The following PCDHGB7 variants were observed in gnomAD, a reference collection of about 807,000 sequenced individuals.
PCDHGB7 encodes the protein protocadherin gamma-B7.
Under a neutral mutation model 61.4 loss-of-function variants are expected in PCDHGB7, and 37 were observed. The ratio of observed to expected loss-of-function variants is 0.60; its 90% confidence interval spans 0.46 to 0.79. The LOEUF is 0.79. PCDHGB7 is among the 30% of genes least tolerant of loss of function. The pLI is 0.00. For missense variants in PCDHGB7, 1,166 were observed against 1,202.5 expected (o/e 0.97, Z 0.45); for synonymous variants, 464 against 503.5 (o/e 0.92, Z 1.05).
At chr5:141,474,130 C>T (rs28684928) in intron 1 of PCDHGB7, among the ~76,000 whole-genome samples, 6 of 152,160 alleles carry the variant, frequency 3.9e-5, no homozygotes. Context: ...TCTCAGAAAA[C>T]TACAGGCCTT....
chr5:141,476,783 G>C lies in PCDHGB7; in HGVS notation c.2416-18024G>C. ...GACGGCGTTGGACGGAGGGACCCCAGCTCTCTCCGCCAGCCTGCCTATTCA... is the reference window on the plus strand; with the variant it reads ...GACGGCGTTGGACGGAGGGACCCCACCTCTCTCCGCCAGCCTGCCTATTCA... On this transcript the variant is annotated intron_variant, in intron 1 of 3. Coordinates refer to ENST00000398594, the MANE Select transcript of PCDHGB7 (RefSeq NM_018927.4). This position sits in a 1 kb window ranked among gnomAD's most constrained non-coding sequence, Gnocchi z 7.6. The C allele has an allele frequency of 6.2e-7, 1 of 1,613,510 alleles. No homozygotes were observed. The highest frequency in any genetic ancestry group is 8.5e-7 in the Non-Finnish European group (1 of 1,180,030).
At chr5:141,433,641 G>C (rs1177387884) in intron 1 of PCDHGB7, among the ~76,000 whole-genome samples, 1 of 152,104 alleles carries the variant, frequency 6.6e-6, no homozygotes, top group Admixed American at 6.5e-5. Flanking sequence ...TTTGAGACCA[G>C]CCTGACCAAC....
chr5:141,427,915 T>C lies in PCDHGB7; in HGVS notation c.2415+7641T>C, dbSNP rs779333176. ...GGCTCGCCCGCGCTCAGCGCCAACATGAGCCGGCGCATGTTGGTGGGCGAC... is the reference window on the plus strand; with the variant it reads ...GGCTCGCCCGCGCTCAGCGCCAACACGAGCCGGCGCATGTTGGTGGGCGAC... On this transcript the variant is annotated intron_variant, in intron 1 of 3. Transcript: ENST00000398594. The C allele has an allele frequency of 7.0e-6, 11 of 1,578,094 alleles. No individual in the cohort carries two copies. In the Admixed American group the frequency reaches 8.4e-5, roughly 12 times the overall value.
intron 1 of PCDHGB7, among the ~76,000 whole-genome samples, chr5:141,463,117 A>G (rs2099053039): frequency 6.6e-6 from 1 of 152,196 alleles, no homozygotes; most frequent in African/African-American, 2.4e-5. Context: ...TTCAGCTAAT[A>G]GCTCCCTGGC....
chr5:141,423,061 G>T, intron 1 of PCDHGB7: 2 of 1,614,160 alleles, frequency 1.2e-6, no homozygotes, highest in Non-Finnish European at 1.7e-6. Context: ...CCTGCTTAAG[G>T]CCAGCGAGCC....
chr5:141,475,098 C>G (rs1252108172), intron 1 of PCDHGB7, among the ~76,000 whole-genome samples: 1 of 152,108 alleles, frequency 6.6e-6, no homozygotes, highest in East Asian at 1.9e-4. Flanking sequence ...TTATAAAGAT[C>G]CTAGGTGGTA....
chr5:141,486,282 C>T lies in PCDHGB7; in HGVS notation c.2416-8525C>T. ...AGTGCAGAACCTGGCACTGTGGTGGCACTTATCAGTGTGCAGGATCCAGAC... is the reference window on the plus strand; with the variant it reads ...AGTGCAGAACCTGGCACTGTGGTGGTACTTATCAGTGTGCAGGATCCAGAC... On this transcript the variant is annotated intron_variant, in intron 1 of 3. Transcript: ENST00000398594. This position sits in a 1 kb window ranked among gnomAD's most constrained non-coding sequence, Gnocchi z 5.0. 6.2e-7 allele frequency: 1 copy of T among 1,614,052 alleles called. No homozygotes were observed. Among genetic ancestry groups the T allele is most frequent in the Non-Finnish European group, 8.5e-7 (1 of 1,179,992 alleles).
chr5:141,504,287 T>C (rs1191226511), intron 2 of PCDHGB7, among the ~76,000 whole-genome samples: 2 of 152,166 alleles, frequency 1.3e-5, no homozygotes, highest in Non-Finnish European at 2.9e-5. Flanking sequence ...AATCATTTCA[T>C]GTTTTTTCAA....
chr5:141,419,119 C>T lies in PCDHGB7; in HGVS notation c.1260C>T (p.Val420=). 2.5e-6 allele frequency: 4 copies of T among 1,613,896 alleles called. No individual in the cohort carries two copies. The South Asian group carries it at 3.3e-5, about 13-fold the overall frequency. Reference sequence around the variant, plus strand: ...GGGAGCAGACCCCAGAGTACAACGTCACCATCGCAGCCACAGACAGGGGCA... The same window carrying T: ...GGGAGCAGACCCCAGAGTACAACGTTACCATCGCAGCCACAGACAGGGGCA... ...LDREQTPEYN[V]TIAATDRGKP... The change falls in exon 1 of 4, where the codon GTC becomes GTT. Residue 420 remains valine, a synonymous_variant. Coordinates refer to ENST00000398594, the MANE Select transcript of PCDHGB7 (RefSeq NM_018927.4).
In PCDHGB7 at chr5:141,472,980, C is replaced by CAAAA. The variant is rs60579131; in HGVS notation, c.2416-21813_2416-21810dup. ...CAGCCTGGGGAACAAGAGTGAAACT[C>CAAAA]AAAAAAAAAAAAAAAAAGAAAGAAA... On this transcript the variant is annotated intron_variant, in intron 1 of 3. Transcript: ENST00000398594. 5.5e-3 allele frequency among the ~76,000 whole-genome samples: 472 copies of CAAAA among 85,978 alleles called. 4 individuals carry two copies. The highest frequency in any genetic ancestry group is 0.013 in the Admixed American group (104 of 8,158). The allele number at this position is 85,978 out of a possible 152,430, so 56.4% of individuals were successfully genotyped here. A position where few individuals can be genotyped will look rare whatever the true frequency, so the allele number is the denominator to read the frequency against.
rs916259620 is a variant in PCDHGB7 at position 141,419,905 on chromosome 5, T to G, written c.2046T>G (p.Ser682=). 23 of 1,613,978 alleles carry G rather than the reference T, an allele frequency of 1.4e-5. No individual in the cohort carries two copies. The highest frequency in any genetic ancestry group is 1.9e-5 in the Non-Finnish European group (23 of 1,179,904). Residue 682 remains serine, a synonymous_variant, in exon 1 of 4, where the codon TCT becomes TCG. Transcript: ENST00000398594. The part of the protein sequence containing the change: ...LPDFSDHPTP[S]DSQAEMQFYL... ...ATTTCAGCGACCATCCCACACCCTC[T>G]GACTCCCAGGCTGAGATGCAGTTTT...
At chr5:141,427,386 A>G (rs2097020887) in intron 1 of PCDHGB7, 1 of 459,098 alleles carries the variant, frequency 2.2e-6, no homozygotes, top group Non-Finnish European at 4.4e-6. Context: ...CACTCTGTTC[A>G]AAACACATGA....
Position 141,431,732 on chromosome 5 carries a change from G to C in PCDHGB7, c.2415+11458G>C. 1 of 1,614,238 alleles carries C rather than the reference G, an allele frequency of 6.2e-7. No individual in the cohort carries two copies. Among genetic ancestry groups the C allele is most frequent in the Non-Finnish European group, 8.5e-7 (1 of 1,180,046 alleles). On this transcript the variant is annotated intron_variant, in intron 1 of 3. Coordinates refer to ENST00000398594, the MANE Select transcript of PCDHGB7 (RefSeq NM_018927.4). The surrounding 1 kb of genome is among the most constrained non-coding windows in gnomAD (Gnocchi z 4.8). ...GATGGAAGTGCAAGCAATGGATAAT[G>C]CAGGATATTCTGCGCGAGCCAAAGT...
Position 141,456,470 on chromosome 5 carries a change from A to G in PCDHGB7, c.2415+36196A>G, listed in dbSNP as rs573210902. Among the ~76,000 whole-genome samples, 4 of 152,272 alleles carry G rather than the reference A, an allele frequency of 2.6e-5. No homozygotes were observed. In the East Asian group the frequency reaches 7.7e-4, roughly 29 times the overall value. On this transcript the variant is annotated intron_variant, in intron 1 of 3. Coordinates refer to ENST00000398594, the MANE Select transcript of PCDHGB7 (RefSeq NM_018927.4). ...GTCCAAATATCAATACAAGACATAT[A>G]AGCAAGAGAGTGCTTAATAAAGGGG...
At chr5:141,484,589 C>T (rs2154580160) in intron 1 of PCDHGB7, among the ~76,000 whole-genome samples, 1 of 152,074 alleles carries the variant, frequency 6.6e-6, no homozygotes, top group African/African-American at 2.4e-5. Context: ...GGAAGCTACT[C>T]ATTTAGAATA....
intron 1 of PCDHGB7, chr5:141,427,590 C>A: frequency 1.5e-6 from 1 of 679,008 alleles, no homozygotes; most frequent in Non-Finnish European, 2.7e-6. Flanking sequence ...CAGCACAAGC[C>A]TCACCCTACG....
chr5:141,488,480 C>A (rs935896624), intron 1 of PCDHGB7, among the ~76,000 whole-genome samples: 6 of 152,298 alleles, frequency 3.9e-5, no homozygotes, highest in African/African-American at 1.4e-4. Flanking sequence ...GTTCCCCTAC[C>A]CAAAAACTGT....
chr5:141,465,546 T>C (rs572856697), intron 1 of PCDHGB7, among the ~76,000 whole-genome samples: 1 of 152,338 alleles, frequency 6.6e-6, no homozygotes, highest in South Asian at 2.1e-4. Context: ...GCATTTTTTC[T>C]GCTGAAGCTT....
At position 141,422,164 on chromosome 5, in the gene PCDHGB7, T is replaced by C. The variant is rs2096630287; in HGVS notation, c.2415+1890T>C. 2 of 1,568,668 alleles carry C rather than the reference T, an allele frequency of 1.3e-6. No homozygotes were observed. Among genetic ancestry groups the C allele is most frequent in the Non-Finnish European group, 1.7e-6 (2 of 1,162,894 alleles). On this transcript the variant is annotated intron_variant, in intron 1 of 3. Coordinates refer to ENST00000398594, the MANE Select transcript of PCDHGB7 (RefSeq NM_018927.4). ...ACGGGGGTCTCTGGATTTTGAAAAA[T>C]ATAGATTCTATGAGATGGAAATTCA... is the stretch of plus-strand genomic sequence containing the variant.
Sources: gnomAD v4.1 joint callset for allele counts (sites outside exome capture counted in the v4.1 genomes callset) on GRCh38, gnomAD v4.1.1 for gene constraint, Gnocchi (gnomAD v3.1) non-coding constraint, MANE v1.5 for transcripts, NCBI Gene and HGNC (gene_info 2026-07-23, HGNC 2026-07-21) for gene names.